HEATR5A: variants seen among roughly 807,000 people sequenced by gnomAD.
HEATR5A encodes HEAT repeat containing 5A.
In HEATR5A, 178 loss-of-function variants were observed where a neutral mutation model predicts 218.8. The observed-to-expected ratio is 0.81, with a 90% confidence interval of 0.72 to 0.92. The LOEUF (loss-of-function observed/expected upper bound fraction) is 0.92, where lower values mean the gene tolerates loss of function less well. HEATR5A is among the 40% of genes least tolerant of loss of function. The probability of loss-of-function intolerance (pLI) is 0.00; values close to 1 mark genes in which losing one functional copy is unlikely to be tolerated. For missense variants in HEATR5A, 2,420 were observed against 2,418.9 expected (o/e 1.00, Z -0.01); for synonymous variants, 864 against 871.6 (o/e 0.99, Z 0.15).
intron 21 of HEATR5A, among the ~76,000 whole-genome samples, chr14:31,338,262 G>A (rs981359377): frequency 6.6e-6 from 1 of 152,152 alleles, no homozygotes; most frequent in Non-Finnish European, 1.5e-5. Context: ...CTCAATAAAT[G>A]TTAGTTATTA....
chr14:31,345,538 G>C (rs1330784345), intron 19 of HEATR5A, among the ~76,000 whole-genome samples: 3 of 152,110 alleles, frequency 2.0e-5, no homozygotes. Context: ...TTGAAAAATT[G>C]TTTATTGTTT....
rs2030089319 is a variant in HEATR5A, at chr14:31,383,697, G to A, written c.1420C>T (p.His474Tyr). The A allele has an allele frequency of 6.2e-7, 1 of 1,613,768 alleles. No homozygotes were observed. The highest frequency in any genetic ancestry group is 1.1e-5 in the South Asian group (1 of 91,090). Residue 474 changes from histidine to tyrosine, a missense_variant, in exon 10 of 36, where the codon CAC (histidine) becomes TAC (tyrosine). Transcript: ENST00000543095. ...SVRLAAAWCL[H>Y]CIAVALPSYL... ...GAGGGTAATGCCACGGCAATGCAGT[G>A]TAAACACCAAGCTGCTGCTAGTCGA...
intron 12 of HEATR5A, among the ~76,000 whole-genome samples, chr14:31,373,615 G>A (rs962095597): frequency 6.6e-6 from 1 of 152,202 alleles, no homozygotes; most frequent in Non-Finnish European, 1.5e-5. Flanking sequence ...ACAAGCGTGA[G>A]CCACAGCACC....
chr14:31,319,874 G>A (rs558747792), intron 25 of HEATR5A, among the ~76,000 whole-genome samples: 1 of 152,146 alleles, frequency 6.6e-6, no homozygotes, highest in African/African-American at 2.4e-5. Flanking sequence ...GTAAAACCCT[G>A]TCTTTACAAA....
Position 31,394,232 on chromosome 14 carries a change from C to A in HEATR5A, c.598-6G>T. ...TTCTGAAGTTCAAGGAGACACTATTCAATTGGACAAAGAGAAATTAATGAA... is the reference window on the plus strand; with the variant it reads ...TTCTGAAGTTCAAGGAGACACTATTAAATTGGACAAAGAGAAATTAATGAA... On this transcript the variant is annotated splice_polypyrimidine_tract_variant and splice_region_variant and intron_variant, in intron 5 of 35. Transcript: ENST00000543095. The A allele has an allele frequency of 6.9e-7, 1 of 1,444,028 alleles. No homozygotes were observed. The allele number at this position is 1,444,028 out of a possible 1,614,324, so 89.5% of individuals were successfully genotyped here.
At chr14:31,369,608 C>CAGA (rs1555370120) in intron 13 of HEATR5A, among the ~76,000 whole-genome samples, 1 of 45,148 alleles carries the variant, frequency 2.2e-5, no homozygotes, top group Non-Finnish European at 3.6e-5. Context: ...AAAACTGTCT[C>CAGA]AAAAAAAAAA....
intron 22 of HEATR5A, among the ~76,000 whole-genome samples, chr14:31,329,957 C>T (rs985030747): frequency 6.6e-5 from 10 of 152,194 alleles, no homozygotes; most frequent in African/African-American, 1.7e-4. Flanking sequence ...GTGATCCACC[C>T]GCCTTGGCCT....
At chr14:31,314,078 G>C (rs1285483464) in intron 27 of HEATR5A, among the ~76,000 whole-genome samples, 4 of 152,038 alleles carry the variant, frequency 2.6e-5, no homozygotes, top group African/African-American at 9.7e-5. Flanking sequence ...TTCCCAAGTA[G>C]CTGGGATTAC....
chr14:31,308,108 T>A, intron 29 of HEATR5A, 88 bp from the exon 30 acceptor site: 1 of 1,235,496 alleles, frequency 8.1e-7, no homozygotes, highest in Non-Finnish European at 1.1e-6. Context: ...TGGTAAGATA[T>A]ATAAACAAAC....
chr14:31,299,922 G>C (rs1041889173), intron 33 of HEATR5A, among the ~76,000 whole-genome samples: 1 of 151,270 alleles, frequency 6.6e-6, no homozygotes, highest in Non-Finnish European at 1.5e-5. Flanking sequence ...TGTAATCCCA[G>C]ATACTCAGGA....
In HEATR5A at chr14:31,318,213, T is replaced by C. The variant is rs532021884; in HGVS notation, c.4038+11A>G. On this transcript the variant is annotated intron_variant, in intron 26 of 35. Transcript: ENST00000543095. ...AGATTATCTCTTAAGCTTCATCTTTTAACCATTTACCTGACATGCTTTGGC... is the reference window on the plus strand; with the variant it reads ...AGATTATCTCTTAAGCTTCATCTTTCAACCATTTACCTGACATGCTTTGGC... 2.3e-5 allele frequency: 37 copies of C among 1,611,860 alleles called. 1 individual carries two copies. In the South Asian group the frequency reaches 3.8e-4, roughly 17 times the overall value.
At position 31,403,041 on chromosome 14, in the gene HEATR5A, A is replaced by G; in HGVS notation, c.-66T>C. The G allele has an allele frequency of 2.1e-6, 3 of 1,401,704 alleles. No individual in the cohort carries two copies. The highest frequency in any genetic ancestry group is 2.8e-6 in the Non-Finnish European group (3 of 1,057,102). 86.8% of individuals were successfully genotyped at this position (1,401,704 alleles called of 1,614,324 possible). A position where few individuals can be genotyped will look rare whatever the true frequency, so the allele number is the denominator to read the frequency against. On this transcript the variant is annotated 5_prime_UTR_variant, in exon 2 of 36. Transcript: ENST00000543095. ...TTAAACTTTGGTCAATATACCTAAC[A>G]ATAAAAATCTGCAATACAGGAAAAT...
Position 31,387,563 on chromosome 14 carries a change from A to ATTT in HEATR5A, c.934-191_934-189dup, listed in dbSNP as rs56997456. Reference sequence around the variant, plus strand: ...TTTGTTTAAGCCAGAACTGAAGTGCATTTTTTTTTTTTTTGAGACGGAGTC... The same window carrying ATTT: ...TTTGTTTAAGCCAGAACTGAAGTGCATTTTTTTTTTTTTTTTTGAGACGGAGTC... On this transcript the variant is annotated intron_variant, in intron 7 of 35. Coordinates refer to ENST00000543095, the MANE Select transcript of HEATR5A (RefSeq NM_015473.4). 1.8e-3 allele frequency among the ~76,000 whole-genome samples: 259 copies of ATTT among 143,956 alleles called. 2 individuals are homozygous for ATTT. Among genetic ancestry groups the ATTT allele is most frequent in the African/African-American group, 6.0e-3 (237 of 39,296 alleles). 94.4% of individuals were successfully genotyped at this position (143,956 alleles called of 152,430 possible).
intron 19 of HEATR5A, among the ~76,000 whole-genome samples, 173 bp from the exon 20 acceptor site, chr14:31,345,449 T>C (rs1302233892): frequency 2.0e-5 from 3 of 152,234 alleles, no homozygotes; most frequent in Non-Finnish European, 2.9e-5. Context: ...TCATCCAATT[T>C]AGAATGATAT....
At position 31,315,800 on chromosome 14, in the gene HEATR5A, C is replaced by T. The variant is rs1566751247; in HGVS notation, c.4188G>A (p.Glu1396=). The T allele has an allele frequency of 2.5e-6, 4 of 1,611,916 alleles. No homozygotes were observed. Among genetic ancestry groups the T allele is most frequent in the Non-Finnish European group, 3.4e-6 (4 of 1,179,024 alleles). The change falls in exon 27 of 36, where the codon GAG becomes GAA. Residue 1396 remains glutamate, a synonymous_variant. Transcript: ENST00000543095. The part of the protein sequence containing the change: ...HLYNESASTM[E]ILAVLKAWAE... ...CCCAGGCTTTAAGCACAGCTAAGAT[C>T]TCCATGGTAGAAGCACTTTCATTAT... is the stretch of plus-strand genomic sequence containing the variant.
chr14:31,402,767 T>A, intron 2 of HEATR5A, 83 bp downstream of exon 2: 2 of 1,309,432 alleles, frequency 1.5e-6, no homozygotes, highest in Non-Finnish European at 2.1e-6. Flanking sequence ...AATTAGGTTA[T>A]TCTGGAAAAA....
chr14:31,335,875 G>A (rs1207457131), intron 22 of HEATR5A, among the ~76,000 whole-genome samples: 1 of 151,854 alleles, frequency 6.6e-6, no homozygotes, highest in Non-Finnish European at 1.5e-5. Flanking sequence ...GGCTGGTCTC[G>A]AACTCCTGAC....
chr14:31,388,307 A>G (rs2030315210), intron 7 of HEATR5A, among the ~76,000 whole-genome samples: 1 of 152,228 alleles, frequency 6.6e-6, no homozygotes, highest in Non-Finnish European at 1.5e-5. Context: ...GTGTTTAGAA[A>G]AAAAAAGATA....
rs1168043913 is a variant in HEATR5A at position 31,374,727 on chromosome 14, T to C, written c.1861+89A>G. 6 of 1,232,746 alleles carry C rather than the reference T, an allele frequency of 4.9e-6. No individual in the cohort carries two copies. In the Admixed American group the frequency reaches 8.8e-5, roughly 18 times the overall value. 76.4% of individuals were successfully genotyped at this position (1,232,746 alleles called of 1,614,324 possible). A position where few individuals can be genotyped will look rare whatever the true frequency, so the allele number is the denominator to read the frequency against. ...ATTAGTGGCATATCCCCCTGCCTCG[T>C]GTTAAATAAAACATACAAGTACATG... On this transcript the variant is annotated intron_variant, in intron 12 of 35. Coordinates refer to ENST00000543095, the MANE Select transcript of HEATR5A (RefSeq NM_015473.4).
Sources: gnomAD v4.1 joint callset for allele counts (sites outside exome capture counted in the v4.1 genomes callset) on GRCh38, gnomAD v4.1.1 for gene constraint, MANE v1.5 for transcripts, NCBI Gene and HGNC (gene_info 2026-07-23, HGNC 2026-07-21) for gene names.